The following PTPA variants were observed in gnomAD, a reference collection of about 807,000 sequenced individuals.
PTPA encodes serine/threonine-protein phosphatase 2A activator.
In PTPA, 13 loss-of-function variants were observed where a neutral mutation model predicts 43.6. The ratio of observed to expected loss-of-function variants is 0.30; its 90% CI spans 0.19 to 0.47. The LOEUF (loss-of-function observed/expected upper bound fraction) is 0.47. PTPA is among the 20% of genes least tolerant of loss of function. The probability of loss-of-function intolerance (pLI) is 0.99; values close to 1 mark genes in which losing one functional copy is unlikely to be tolerated. For synonymous variants in PTPA, 172 were observed against 158.2 expected (o/e 1.09, Z -0.66); for missense variants, 329 against 411.9 (o/e 0.80, Z 1.74).
At chr9:129,147,267 C>A in intron 9 of PTPA, 120 bp from the exon 10 acceptor site, 1 of 920,876 alleles carries the variant, frequency 1.1e-6, no homozygotes, top group East Asian at 2.5e-5. Flanking sequence ...CTGGGGGATC[C>A]CCTGGCGGGG....
intron 7 of PTPA, 93 bp from the exon 8 acceptor site, chr9:129,137,499 C>A: frequency 3.1e-6 from 3 of 971,274 alleles, no homozygotes; most frequent in Admixed American, 2.3e-5. Context: ...ACGGGCAGGA[C>A]TGAGGCCCCT....
chr9:129,137,501 G>C, intron 7 of PTPA, 91 bp from the exon 8 acceptor site: 1 of 995,426 alleles, frequency 1.0e-6, no homozygotes, highest in Non-Finnish European at 1.5e-6. Flanking sequence ...GGGCAGGACT[G>C]AGGCCCCTGG....
At position 129,114,038 on chromosome 9, in the gene PTPA, T is replaced by G. The variant is rs576050193; in HGVS notation, c.31+2407T>G. ...GCTGGAAAGAACTTCTTCTTTTTAG[T>G]TTTTTTTTGAGACAGAGTTTCACTT... On this transcript the variant is annotated intron_variant, in intron 1 of 9. Transcript: ENST00000393370. Among the ~76,000 whole-genome samples the G allele has an allele frequency of 1.6e-4, 24 of 151,526 alleles. 1 individual carries two copies. The highest frequency in any genetic ancestry group is 7.9e-4 in the Admixed American group (12 of 15,212).
chr9:129,143,591 G>C, intron 9 of PTPA: 1 of 628,038 alleles, frequency 1.6e-6, no homozygotes, highest in Non-Finnish European at 2.9e-6. Flanking sequence ...TTGGCTCCCT[G>C]CACTTGGTCC....
At chr9:129,122,630 A>C (rs1181471295) in intron 2 of PTPA, among the ~76,000 whole-genome samples, 1 of 152,148 alleles carries the variant, frequency 6.6e-6, no homozygotes, top group Non-Finnish European at 1.5e-5. Flanking sequence ...GCATGTGCCC[A>C]CTCAGCTTTG....
At chr9:129,145,717 T>G (rs995506410) in intron 9 of PTPA, among the ~76,000 whole-genome samples, 2 of 152,068 alleles carry the variant, frequency 1.3e-5, no homozygotes, top group African/African-American at 2.4e-5. Context: ...CTTGTGTGGT[T>G]GCGGGGCGGC....
intron 3 of PTPA, among the ~76,000 whole-genome samples, chr9:129,123,823 A>C (rs2131564806): frequency 6.6e-6 from 1 of 151,952 alleles, no homozygotes; most frequent in East Asian, 2.0e-4. Context: ...AGCTGGGATT[A>C]CAGGCGTGTG....
intron 8 of PTPA, among the ~76,000 whole-genome samples, chr9:129,138,506 C>T (rs1230573233): frequency 6.6e-6 from 1 of 152,158 alleles, no homozygotes; most frequent in Non-Finnish European, 1.5e-5. Context: ...TAGGACTTCT[C>T]ATCCTCTCTG....
At chr9:129,127,910 G>A (rs991207484) in intron 3 of PTPA, 616 of 1,165,182 alleles carry the variant, frequency 5.3e-4, no homozygotes, top group Non-Finnish European at 6.4e-4. Flanking sequence ...GCAGTGGCAC[G>A]ATGAAATGTT....
chr9:129,122,038 G>A (rs1034358026), intron 2 of PTPA, among the ~76,000 whole-genome samples: 2 of 152,172 alleles, frequency 1.3e-5, no homozygotes, highest in Admixed American at 6.5e-5. Flanking sequence ...AAGGGATGAA[G>A]AAGAAACAAA....
rs17508993 is a variant in PTPA, at chr9:129,142,578, C to T, written c.894+26C>T. On this transcript the variant is annotated intron_variant, in intron 9 of 9. Coordinates refer to ENST00000393370, the MANE Select transcript of PTPA (RefSeq NM_178000.3). ...GTGAGTGGGGGCTGGCCAGTGTGCC[C>T]GTCCCTGCTGCCGCACTTGGTCCTG... 1,609 of 1,613,446 alleles carry T rather than the reference C, an allele frequency of 1.0e-3. 11 individuals carry two copies. In the African/African-American group the frequency reaches 0.018, roughly 18 times the overall value.
chr9:129,120,728 A>G (rs1375865867), intron 2 of PTPA, 118 bp downstream of exon 2: 13 of 809,492 alleles, frequency 1.6e-5, no homozygotes, highest in Non-Finnish European at 2.6e-5. Context: ...TTCAGAAGCT[A>G]GGGAGAAAGG....
At chr9:129,140,787 GGGGTGGGGTA>G (rs146486814) in intron 8 of PTPA, among the ~76,000 whole-genome samples, 4,764 of 149,980 alleles carry the variant, frequency 0.032, 277 homozygotes, top group African/African-American at 0.11. Context: ...GACTGGGGAA[GGGGTGGGGTA>G]GGGTGGGGAG....
At chr9:129,144,736 CAAAA>C (rs35064318) in intron 9 of PTPA, among the ~76,000 whole-genome samples, 26 of 107,982 alleles carry the variant, frequency 2.4e-4, no homozygotes, top group East Asian at 2.7e-4. Flanking sequence ...GAGACTCTCT[CAAAA>C]AAAAAAAAAA....
intron 9 of PTPA, among the ~76,000 whole-genome samples, chr9:129,146,535 A>ATACTC (rs1162653308): frequency 6.6e-6 from 1 of 152,178 alleles, no homozygotes; most frequent in East Asian, 1.9e-4. Flanking sequence ...GGTGCCTAAC[A>ATACTC]TACTCTGTTT....
At chr9:129,141,544 G>A (rs756525968) in intron 8 of PTPA, 1 of 152,330 alleles carries the variant, frequency 6.6e-6, no homozygotes, top group African/African-American at 2.4e-5. Context: ...AAATGTGCTG[G>A]ACTTGCGGTG....
At chr9:129,118,081 C>T (rs539706389) in intron 1 of PTPA, among the ~76,000 whole-genome samples, 1 of 145,590 alleles carries the variant, frequency 6.9e-6, no homozygotes, top group Non-Finnish European at 1.5e-5. Flanking sequence ...GAGATGGAGT[C>T]TTGCTCTGTC....
chr9:129,129,078 G>T lies in PTPA; in HGVS notation c.310G>T (p.Ala104Ser). The T allele has an allele frequency of 6.2e-7, 1 of 1,612,526 alleles. No individual in the cohort carries two copies. Among genetic ancestry groups the T allele is most frequent in the Admixed American group, 1.7e-5 (1 of 60,016 alleles). Residue 104 changes from alanine to serine, a missense_variant, in exon 4 of 10, where the codon GCA (alanine) becomes TCA (serine). Coordinates refer to ENST00000393370, the MANE Select transcript of PTPA (RefSeq NM_178000.3). ...VDQPSRFGNK[A>S]YRTWYAKLDE... ...CCAGCCCTCTCGGTTTGGGAATAAG[G>T]CATACAGGACCTGGTATGCCAAACT... is the stretch of plus-strand genomic sequence containing the variant.
intron 5 of PTPA, among the ~76,000 whole-genome samples, chr9:129,133,402 G>A (rs909383405): frequency 6.6e-6 from 1 of 152,246 alleles, no homozygotes; most frequent in Non-Finnish European, 1.5e-5. Flanking sequence ...AACAATGGGA[G>A]CCTGGGCCCT....
Sources: allele counts gnomAD v4.1 joint callset (sites outside exome capture counted in the v4.1 genomes callset), GRCh38; gene constraint gnomAD v4.1.1; transcripts MANE v1.5; gene names NCBI Gene and HGNC (gene_info 2026-07-23, HGNC 2026-07-21).